WDR25: variants seen among roughly 807,000 people sequenced by gnomAD.
The protein encoded by WDR25 is WD repeat domain 25, also known as WD repeat-containing protein 25.
Under a neutral mutation model 47.7 loss-of-function variants are expected in WDR25, and 35 were observed. The ratio of observed to expected loss-of-function variants is 0.73; its 90% CI spans 0.56 to 0.97. WDR25 has a LOEUF of 0.97. WDR25 is among the 50% of genes least tolerant of loss of function. The pLI is 0.00. For missense variants in WDR25, 634 were observed against 704.7 expected, an observed-to-expected ratio of 0.90 and a Z score of 1.14; for synonymous variants, 248 against 278.9, an observed-to-expected ratio of 0.89 and a Z score of 1.10.
chr14:100,528,435 C>CTTTTTT (rs66881970), intron 5 of WDR25, among the ~76,000 whole-genome samples: 8 of 131,012 alleles, frequency 6.1e-5, no homozygotes, highest in African/African-American at 1.8e-4. Context: ...TTCTTTCTTT[C>CTTTTTT]TTTTTTTTTT....
At chr14:100,400,332 G>A (rs543108656) in intron 2 of WDR25, among the ~76,000 whole-genome samples, 1 of 152,312 alleles carries the variant, frequency 6.6e-6, no homozygotes, top group East Asian at 1.9e-4. Context: ...TCGGAGGGCT[G>A]TTGGCGCCTG....
intron 4 of WDR25, among the ~76,000 whole-genome samples, chr14:100,484,756 A>G (rs932219249): frequency 1.3e-5 from 2 of 152,090 alleles, no homozygotes; most frequent in African/African-American, 2.4e-5. Context: ...TACCCAAACC[A>G]TTAGCAAATT....
chr14:100,476,671 C>T (rs185303524), intron 3 of WDR25: 1 of 152,378 alleles, frequency 6.6e-6, no homozygotes, highest in Admixed American at 6.5e-5. Flanking sequence ...GAGTCTCTCA[C>T]CTCGCTGAGC....
At chr14:100,493,966 A>G (rs952064795) in intron 4 of WDR25, among the ~76,000 whole-genome samples, 5 of 152,344 alleles carry the variant, frequency 3.3e-5, no homozygotes, top group Middle Eastern at 3.4e-3. Context: ...TTCACCAGAC[A>G]CCAGATCTGT....
intron 2 of WDR25, among the ~76,000 whole-genome samples, chr14:100,447,892 C>G (rs1451156449): frequency 6.6e-6 from 1 of 152,074 alleles, no homozygotes; most frequent in Admixed American, 6.5e-5. Flanking sequence ...TGATGAGTAA[C>G]TGCACTTTAA....
intron 4 of WDR25, among the ~76,000 whole-genome samples, chr14:100,496,889 G>A (rs1377461766): frequency 1.5e-5 from 2 of 134,402 alleles, no homozygotes; most frequent in East Asian, 2.2e-4. Context: ...AGGCTGGAGT[G>A]TAGTGGTATG....
intron 2 of WDR25, among the ~76,000 whole-genome samples, chr14:100,384,429 G>A (rs932438571): frequency 7.9e-5 from 12 of 152,340 alleles, no homozygotes; most frequent in Middle Eastern, 3.4e-3. Flanking sequence ...GGGAACCGGC[G>A]GGGAGCCAGG....
At chr14:100,405,734 C>T (rs1460727568) in intron 2 of WDR25, among the ~76,000 whole-genome samples, 2 of 152,180 alleles carry the variant, frequency 1.3e-5, no homozygotes, top group Non-Finnish European at 2.9e-5. Context: ...GTGTGTCAGT[C>T]GCCCTTCCTG....
At chr14:100,427,449 A>G (rs952593290) in intron 2 of WDR25, among the ~76,000 whole-genome samples, 1 of 152,212 alleles carries the variant, frequency 6.6e-6, no homozygotes, top group Non-Finnish European at 1.5e-5. Flanking sequence ...AGCAGGGTGC[A>G]GTAGGCACTT....
At chr14:100,484,893 C>T (rs1414029536) in intron 4 of WDR25, among the ~76,000 whole-genome samples, 1 of 152,218 alleles carries the variant, frequency 6.6e-6, no homozygotes, top group African/African-American at 2.4e-5. Flanking sequence ...AGGCTGTTCT[C>T]AACACAGCCG....
In WDR25 at chr14:100,424,264, C is replaced by T. The variant is rs1898106708; in HGVS notation, c.822+42518C>T. Reference sequence around the variant, plus strand: ...TTTCAGAGCCTGTGGCGTTTTCACACCATGTTCTAGGTGCCAGCAGAAGTC... The same window carrying T: ...TTTCAGAGCCTGTGGCGTTTTCACATCATGTTCTAGGTGCCAGCAGAAGTC... On this transcript the variant is annotated intron_variant, in intron 2 of 6. Transcript: ENST00000402312. The surrounding 1 kb of genome is among the most constrained non-coding windows in gnomAD (Gnocchi z 4.2). Among the ~76,000 whole-genome samples, 1 of 152,184 alleles carries T rather than the reference C, an allele frequency of 6.6e-6. No individual in the cohort carries two copies. The highest frequency in any genetic ancestry group is 2.1e-4 in the South Asian group (1 of 4,828).
intron 4 of WDR25, among the ~76,000 whole-genome samples, chr14:100,497,925 G>C (rs1900788470): frequency 6.6e-6 from 1 of 152,196 alleles, no homozygotes; most frequent in African/African-American, 2.4e-5. Flanking sequence ...TGGGAGACAT[G>C]ATGGTCTTTT....
chr14:100,432,849 A>G (rs539120932), intron 2 of WDR25, among the ~76,000 whole-genome samples: 2 of 152,264 alleles, frequency 1.3e-5, no homozygotes, highest in Admixed American at 6.5e-5. Context: ...GTGTACCTAC[A>G]TGAACCTAGA....
At chr14:100,445,419 T>C (rs762315076) in intron 2 of WDR25, among the ~76,000 whole-genome samples, 1 of 152,094 alleles carries the variant, frequency 6.6e-6, no homozygotes, top group Non-Finnish European at 1.5e-5. Flanking sequence ...TCTTTTTCTA[T>C]AATTTACTCC....
intron 2 of WDR25, among the ~76,000 whole-genome samples, chr14:100,460,924 T>C (rs1285516319): frequency 1.3e-5 from 2 of 152,196 alleles, no homozygotes; most frequent in Non-Finnish European, 2.9e-5. Context: ...ATCATCTATA[T>C]GCAATTCCAG....
chr14:100,519,144 A>T (rs911997833), intron 4 of WDR25, among the ~76,000 whole-genome samples: 1 of 152,222 alleles, frequency 6.6e-6, no homozygotes, highest in Admixed American at 6.5e-5. Context: ...ACTGGTCTTT[A>T]TTCAAATTTT....
chr14:100,397,496 A>G (rs947916205), intron 2 of WDR25, among the ~76,000 whole-genome samples: 6 of 152,244 alleles, frequency 3.9e-5, no homozygotes, highest in Non-Finnish European at 7.3e-5. Context: ...TGTGATACAG[A>G]GATGAATATA....
At chr14:100,435,627 C>T (rs8022219) in intron 2 of WDR25, among the ~76,000 whole-genome samples, 8,969 of 152,202 alleles carry the variant, frequency 0.059, 636 homozygotes, top group African/African-American at 0.17. Flanking sequence ...CCTGCTCCTG[C>T]TATGGGGGCA....
chr14:100,459,939 T>TATATATATAC (rs1491515673), intron 2 of WDR25, among the ~76,000 whole-genome samples: 3 of 84,896 alleles, frequency 3.5e-5, no homozygotes, highest in South Asian at 3.9e-4. Context: ...TATATATATA[T>TATATATATAC]ACACATACAC....
Sources: allele counts gnomAD v4.1 joint callset (sites outside exome capture counted in the v4.1 genomes callset), GRCh38; gene constraint gnomAD v4.1.1; non-coding constraint Gnocchi (gnomAD v3.1); transcripts MANE v1.5; gene names NCBI Gene and HGNC (gene_info 2026-07-23, HGNC 2026-07-21).